The following RRM2B variants were observed in gnomAD, a reference collection of about 807,000 sequenced individuals.
RRM2B encodes ribonucleoside-diphosphate reductase subunit M2 B.
RRM2B carries 20 observed loss-of-function variants against 45.9 expected under a neutral mutation model. The ratio of observed to expected loss-of-function variants is 0.44; its 90% confidence interval spans 0.31 to 0.63. RRM2B has a LOEUF of 0.63. RRM2B is among the 30% of genes least tolerant of loss of function. The pLI, the probability that RRM2B is intolerant of heterozygous loss-of-function variation, is 0.09. For missense variants in RRM2B, 320 were observed against 414.7 expected, an observed-to-expected ratio of 0.77 and a Z score of 1.98; for synonymous variants, 124 against 132.3, an observed-to-expected ratio of 0.94 and a Z score of 0.43.
At position 102,223,872 on chromosome 8, in the gene RRM2B, A is replaced by C. The variant is rs1810877932; in HGVS notation, c.550+174T>G. Among the ~76,000 whole-genome samples, 4 of 152,216 alleles carry C rather than the reference A, an allele frequency of 2.6e-5. 1 individual carries two copies. The South Asian group carries it at 8.3e-4, about 32-fold the overall frequency. On this transcript the variant is annotated intron_variant, in intron 5 of 8. Transcript: ENST00000251810. ...ATTAAGTAGAATAGGTAACAGCTTT[A>C]TCACCACTTTCTAATTAATTATTAG...
chr8:102,238,188 T>C (rs1411671941), intron 1 of RRM2B, among the ~76,000 whole-genome samples: 1 of 152,270 alleles, frequency 6.6e-6, no homozygotes, highest in African/African-American at 2.4e-5. Context: ...CGTGGCACTT[T>C]GCATAAAGCA....
chr8:102,207,127 T>G lies in RRM2B; in HGVS notation c.*1006A>C, dbSNP rs1016134460. The G allele has an allele frequency of 6.6e-6, 1 of 152,198 alleles. No individual in the cohort carries two copies. The highest frequency in any genetic ancestry group is 1.5e-5 in the Non-Finnish European group (1 of 68,016). 9.4% of individuals were successfully genotyped at this position (152,198 alleles called of 1,614,324 possible). ...TAAAAAACATCTGTGTTAAGTATGT[T>G]GGGAATATGCAGGGCGAGATAAATT... On this transcript the variant is annotated 3_prime_UTR_variant, in exon 9 of 9. Coordinates refer to ENST00000251810, the MANE Select transcript of RRM2B (RefSeq NM_015713.5).
At chr8:102,235,403 T>C (rs1300490286) in intron 1 of RRM2B, among the ~76,000 whole-genome samples, 1 of 152,156 alleles carries the variant, frequency 6.6e-6, no homozygotes, top group East Asian at 1.9e-4. Flanking sequence ...ACCTGGAGAA[T>C]AAATAAATAA....
chr8:102,231,066 C>T (rs1037324401), intron 2 of RRM2B, among the ~76,000 whole-genome samples: 6 of 152,164 alleles, frequency 3.9e-5, no homozygotes, highest in African/African-American at 1.4e-4. Flanking sequence ...ATAGATACAT[C>T]TATCTATAGA....
At chr8:102,230,847 A>C (rs886389083) in intron 2 of RRM2B, among the ~76,000 whole-genome samples, 3 of 152,226 alleles carry the variant, frequency 2.0e-5, no homozygotes, top group Non-Finnish European at 4.4e-5. Context: ...AATCCTCATA[A>C]CAACACAAAT....
Position 102,232,302 on chromosome 8 carries a change from T to A in RRM2B, c.51A>T (p.Arg17Ser), listed in dbSNP as rs1161222235. ...CACTTTCGTTGGTGTCTGAAGATGA[T>A]CTCTTTGAAAAATAAAGTACAAACA... is the stretch of plus-strand genomic sequence containing the variant. The part of the protein sequence containing the change: ...PEAAGLDQDE[R>S]SSSDTNESEI... Residue 17 changes from arginine (R) to serine (S), a missense_variant and splice_region_variant, in exon 2 of 9, where the codon AGA (arginine) becomes AGT (serine). Around this residue, in one of 3 missense-constraint regions of RRM2B, gnomAD observed 48 missense variants for 35.3 expected, o/e 1.36. Coordinates refer to ENST00000251810, the MANE Select transcript of RRM2B (RefSeq NM_015713.5). 5 of 1,613,790 alleles carry A rather than the reference T, an allele frequency of 3.1e-6. No homozygotes were observed. Among genetic ancestry groups the A allele is most frequent in the Non-Finnish European group, 3.4e-6 (4 of 1,179,850 alleles).
intron 6 of RRM2B, among the ~76,000 whole-genome samples, chr8:102,217,713 A>G (rs575351232): frequency 2.6e-4 from 39 of 152,166 alleles, no homozygotes; most frequent in Non-Finnish European, 4.7e-4. Context: ...GGACTCCAAG[A>G]CATGGACAGG....
chr8:102,213,291 T>G (rs779987390), intron 7 of RRM2B, among the ~76,000 whole-genome samples: 21 of 151,934 alleles, frequency 1.4e-4, no homozygotes, highest in Non-Finnish European at 2.9e-4. Flanking sequence ...AAAACTCAAT[T>G]AACAAAGAAA....
At chr8:102,215,702 T>C (rs1224345557) in intron 6 of RRM2B, among the ~76,000 whole-genome samples, 6 of 152,012 alleles carry the variant, frequency 3.9e-5, no homozygotes, top group Admixed American at 2.6e-4. Flanking sequence ...TCCCAGCACT[T>C]TGGGAGGCCA....
chr8:102,235,599 C>G (rs1205651157), intron 1 of RRM2B, among the ~76,000 whole-genome samples: 1 of 152,058 alleles, frequency 6.6e-6, no homozygotes, highest in South Asian at 2.1e-4. Context: ...CCAGCACTTT[C>G]GGAGGCCGAG....
chr8:102,214,403 T>A (rs1261371883), intron 6 of RRM2B: 3 of 469,606 alleles, frequency 6.4e-6, no homozygotes, highest in Non-Finnish European at 1.2e-5. Context: ...GAAAAATTAA[T>A]TTATGAACAA....
In RRM2B at chr8:102,224,149, A is replaced by T. The variant is rs747596048; in HGVS notation, c.456-9T>A. ...CATTAAATAAAAATTCCCTGTAAAAACAAAAGAATGAACAGCAAAGTTATT... is the reference window on the plus strand; with the variant it reads ...CATTAAATAAAAATTCCCTGTAAAATCAAAAGAATGAACAGCAAAGTTATT... On this transcript the variant is annotated splice_polypyrimidine_tract_variant and intron_variant, in intron 4 of 8. Transcript: ENST00000251810. The T allele has an allele frequency of 1.9e-6, 3 of 1,545,722 alleles. No homozygotes were observed. The highest frequency in any genetic ancestry group is 2.2e-5 in the East Asian group (1 of 44,518).
chr8:102,238,147 C>G (rs1811154985), intron 1 of RRM2B, among the ~76,000 whole-genome samples: 1 of 152,192 alleles, frequency 6.6e-6, no homozygotes, highest in Admixed American at 6.5e-5. Context: ...CTTGGATGAA[C>G]AACTTGGGCT....
intron 6 of RRM2B, among the ~76,000 whole-genome samples, chr8:102,217,062 T>C (rs1266940456): frequency 1.3e-5 from 2 of 152,102 alleles, no homozygotes; most frequent in African/African-American, 2.4e-5. Context: ...TTTTATACTA[T>C]AGTAAAACAA....
intron 2 of RRM2B, among the ~76,000 whole-genome samples, chr8:102,231,677 T>C (rs1035806441): frequency 6.6e-6 from 1 of 151,772 alleles, no homozygotes; most frequent in Non-Finnish European, 1.5e-5. Flanking sequence ...GAGACCAGCC[T>C]GGCCAATGTG....
At chr8:102,218,775 T>C (rs557256275) in intron 6 of RRM2B, 39 bp downstream of exon 6, 85 of 1,505,036 alleles carry the variant, frequency 5.6e-5, no homozygotes, top group Admixed American at 2.8e-4. Flanking sequence ...ACATCAAATA[T>C]GAATACAAAT....
At chr8:102,226,178 TAA>T in intron 2 of RRM2B, 144 bp from the exon 3 acceptor site, 1 of 560,870 alleles carries the variant, frequency 1.8e-6, no homozygotes. Context: ...TGCAAAGAAA[TAA>T]AAAAAAAAGT....
At chr8:102,208,870 C>T (rs1257601100) in intron 8 of RRM2B, among the ~76,000 whole-genome samples, 2 of 152,092 alleles carry the variant, frequency 1.3e-5, no homozygotes, top group Non-Finnish European at 2.9e-5. Flanking sequence ...GAAACAAGGC[C>T]GAGCATGGTG....
At chr8:102,237,039 T>A (rs1811133744) in intron 1 of RRM2B, among the ~76,000 whole-genome samples, 1 of 152,120 alleles carries the variant, frequency 6.6e-6, no homozygotes, top group Admixed American at 6.5e-5. Flanking sequence ...ACACTACTTG[T>A]AAGTATTATT....
Sources: allele counts gnomAD v4.1 joint callset (sites outside exome capture counted in the v4.1 genomes callset), GRCh38; gene constraint gnomAD v4.1.1; regional missense constraint gnomAD v4.1.1; transcripts MANE v1.5; gene names NCBI Gene and HGNC (gene_info 2026-07-23, HGNC 2026-07-21).